Variants in PCDH15 observed in about 807,000 individuals in gnomAD.
The protein encoded by PCDH15 is protocadherin related 15, also known as protocadherin-15.
Under a neutral mutation model 178.5 loss-of-function variants are expected in PCDH15, and 129 were observed. The ratio of observed to expected loss-of-function variants is 0.72; its 90% confidence interval spans 0.63 to 0.84. PCDH15 has a LOEUF of 0.84. PCDH15 is among the 40% of genes least tolerant of loss of function. The pLI is 0.00. For missense variants in PCDH15, 2,230 were observed against 2,099.9 expected (o/e 1.06, Z -1.21); for synonymous variants, 800 against 732.0 (o/e 1.09, Z -1.50).
chr10:55,552,456 A>G (rs1842019757), intron 2 of PCDH15, among the ~76,000 whole-genome samples: 1 of 151,570 alleles, frequency 6.6e-6, no homozygotes, highest in South Asian at 2.1e-4. Context: ...CATTATTAGT[A>G]CTAGCTGTGC....
intron 20 of PCDH15, among the ~76,000 whole-genome samples, chr10:54,009,362 G>A (rs1260651073): frequency 2.0e-5 from 3 of 151,630 alleles, no homozygotes; most frequent in Non-Finnish European, 1.5e-5. Flanking sequence ...TCTCCCAACA[G>A]GTTTAGGGTG....
chr10:54,286,840 C>T (rs1307356947), intron 8 of PCDH15, among the ~76,000 whole-genome samples: 1 of 152,138 alleles, frequency 6.6e-6, no homozygotes, highest in Admixed American at 6.5e-5. Context: ...GTTGGCCAGG[C>T]TGGTGTTGAA....
intron 8 of PCDH15, among the ~76,000 whole-genome samples, chr10:54,270,432 C>T (rs1342727489): frequency 6.6e-6 from 1 of 152,094 alleles, no homozygotes; most frequent in African/African-American, 2.4e-5. Context: ...AAAACAAACA[C>T]TTCCTGAATT....
chr10:55,334,242 A>ATATATATATATATG (rs1291195941), intron 2 of PCDH15, among the ~76,000 whole-genome samples: 89 of 72,140 alleles, frequency 1.2e-3, no homozygotes, highest in African/African-American at 7.3e-3. Flanking sequence ...ATATATATAT[A>ATATATATATATATG]TGTGTGTGTG....
At chr10:54,052,536 C>G (rs2093799735) in intron 18 of PCDH15, among the ~76,000 whole-genome samples, 2 of 152,158 alleles carry the variant, frequency 1.3e-5, no homozygotes, top group African/African-American at 4.8e-5. Flanking sequence ...ATGTGTTTAT[C>G]CTACGCCTGT....
At chr10:54,980,207 T>A (rs1411099348) in intron 2 of PCDH15, among the ~76,000 whole-genome samples, 1 of 152,212 alleles carries the variant, frequency 6.6e-6, no homozygotes, top group Non-Finnish European at 1.5e-5. Context: ...ATACTAGGCA[T>A]AATTAATACC....
chr10:54,496,693 C>T (rs79290337), intron 3 of PCDH15, among the ~76,000 whole-genome samples: 7 of 152,050 alleles, frequency 4.6e-5, no homozygotes, highest in East Asian at 3.9e-4. Flanking sequence ...CTGAACACTG[C>T]GATGATAGAA....
intron 3 of PCDH15, among the ~76,000 whole-genome samples, chr10:54,852,068 C>A (rs1454247948): frequency 2.0e-5 from 3 of 152,056 alleles, no homozygotes; most frequent in Non-Finnish European, 4.4e-5. Flanking sequence ...GGTAGTAATA[C>A]AGCGTTTATT....
At chr10:55,165,872 G>A (rs1444672852) in intron 2 of PCDH15, among the ~76,000 whole-genome samples, 3 of 151,816 alleles carry the variant, frequency 2.0e-5, no homozygotes, top group Non-Finnish European at 4.4e-5. Flanking sequence ...TGATTTCATA[G>A]ACATTATTCT....
intron 2 of PCDH15, among the ~76,000 whole-genome samples, chr10:55,361,186 T>C (rs1259614829): frequency 6.6e-6 from 1 of 151,950 alleles, no homozygotes; most frequent in African/African-American, 2.4e-5. Flanking sequence ...TTATCCTTGG[T>C]GGTGGTGGTG....
intron 2 of PCDH15, among the ~76,000 whole-genome samples, chr10:54,575,837 C>A (rs2133686384): frequency 6.6e-6 from 1 of 152,256 alleles, no homozygotes; most frequent in Admixed American, 6.5e-5. Flanking sequence ...TAACAGAAGG[C>A]TAGCCCTGAA....
chr10:54,316,844 G>A (rs1342280), intron 8 of PCDH15, among the ~76,000 whole-genome samples: 68,359 of 151,664 alleles, frequency 0.45, 16,079 homozygotes, highest in Middle Eastern at 0.6. Context: ...ACCTTCAAAC[G>A]GCCAAACATA....
At chr10:54,687,280 T>C (rs1246262675) in intron 1 of PCDH15, among the ~76,000 whole-genome samples, 1 of 152,112 alleles carries the variant, frequency 6.6e-6, no homozygotes, top group Admixed American at 6.6e-5. Flanking sequence ...GGAACTACCA[T>C]ATGATTCAGT....
chr10:54,134,706 T>C (rs2133085144), intron 14 of PCDH15, among the ~76,000 whole-genome samples: 1 of 150,610 alleles, frequency 6.6e-6, no homozygotes, highest in African/African-American at 2.4e-5. Flanking sequence ...TGAGCCAAGA[T>C]TGCGCCACTG....
chr10:55,309,671 C>T (rs1417189097), intron 1 of PCDH15, among the ~76,000 whole-genome samples: 2 of 152,064 alleles, frequency 1.3e-5, no homozygotes, highest in Non-Finnish European at 2.9e-5. Flanking sequence ...AAAATAGTTT[C>T]TGATTAAACT....
intron 8 of PCDH15, among the ~76,000 whole-genome samples, chr10:54,316,215 T>G (rs1264931240): frequency 6.6e-6 from 1 of 152,070 alleles, no homozygotes; most frequent in African/African-American, 2.4e-5. Flanking sequence ...GACTCAAAAG[T>G]GATTCTCAGC....
intron 1 of PCDH15, among the ~76,000 whole-genome samples, chr10:54,797,507 AACACACAC>A (rs71014418): frequency 0.097 from 14,053 of 145,194 alleles, 819 homozygotes; most frequent in East Asian, 0.19. Context: ...TTATTGTTGA[AACACACAC>A]ACACACACAC....
intron 18 of PCDH15, among the ~76,000 whole-genome samples, chr10:54,050,974 C>G (rs536554975): frequency 6.6e-6 from 1 of 152,090 alleles, no homozygotes; most frequent in Non-Finnish European, 1.5e-5. Flanking sequence ...CATTTTTTCT[C>G]TCCCTTCACT....
At chr10:54,440,060 G>A (rs1365088524) in intron 3 of PCDH15, among the ~76,000 whole-genome samples, 2 of 151,818 alleles carry the variant, frequency 1.3e-5, no homozygotes, top group South Asian at 2.1e-4. Flanking sequence ...TGACTGGGGG[G>A]AAAAAAACTT....
Sources: allele counts gnomAD v4.1 joint callset (sites outside exome capture counted in the v4.1 genomes callset), GRCh38; gene constraint gnomAD v4.1.1; transcripts MANE v1.5; gene names NCBI Gene and HGNC (gene_info 2026-07-23, HGNC 2026-07-21).